GABPB1: variants seen among roughly 807,000 people sequenced by gnomAD.
GABPB1 encodes GA-binding protein subunit beta-1.
GABPB1 carries 15 observed loss-of-function variants against 45.9 expected under a neutral mutation model. The ratio of observed to expected loss-of-function variants is 0.33; its 90% CI spans 0.22 to 0.50. GABPB1 has a LOEUF of 0.50. Among genes scored for constraint, GABPB1 ranks in the 20% least tolerant of loss-of-function variants. GABPB1 has a pLI of 0.98. For missense variants in GABPB1, 252 were observed against 457.5 expected, an observed-to-expected ratio of 0.55 and a Z score of 4.10; for synonymous variants, 143 against 154.4, an observed-to-expected ratio of 0.93 and a Z score of 0.55.
At chr15:50,354,538 G>A (rs572259026) in intron 1 of GABPB1, 3 of 448,098 alleles carry the variant, frequency 6.7e-6, no homozygotes, top group Admixed American at 2.4e-5. Context: ...CGCGGCGCCA[G>A]AGGCCGAGGC....
intron 6 of GABPB1, among the ~76,000 whole-genome samples, chr15:50,300,553 C>T (rs2046703371): frequency 6.6e-6 from 1 of 150,528 alleles, no homozygotes; most frequent in Non-Finnish European, 1.5e-5. Context: ...AGCAATCCTC[C>T]TGCCTCAGCC....
intron 1 of GABPB1, among the ~76,000 whole-genome samples, chr15:50,331,018 G>C (rs1319856690): frequency 6.6e-6 from 1 of 152,166 alleles, no homozygotes; most frequent in Non-Finnish European, 1.5e-5. Context: ...CAACTGAGTA[G>C]AAACAGGAAT....
At chr15:50,321,789 C>T (rs575062919) in intron 1 of GABPB1, among the ~76,000 whole-genome samples, 1 of 151,642 alleles carries the variant, frequency 6.6e-6, no homozygotes, top group Non-Finnish European at 1.5e-5. Context: ...ATACTTGGAA[C>T]CAAAATCGTC....
chr15:50,296,990 A>C (rs1052691327), intron 6 of GABPB1, among the ~76,000 whole-genome samples: 1 of 147,670 alleles, frequency 6.8e-6, no homozygotes, highest in Non-Finnish European at 1.5e-5. Flanking sequence ...GGCTCACTGC[A>C]ACCTCCACCT....
intron 1 of GABPB1, among the ~76,000 whole-genome samples, chr15:50,344,363 C>T (rs964816605): frequency 1.1e-4 from 17 of 152,268 alleles, no homozygotes; most frequent in African/African-American, 4.1e-4. Context: ...CTTTGTTTGA[C>T]AGAATAGACA....
intron 2 of GABPB1, among the ~76,000 whole-genome samples, chr15:50,304,578 G>A (rs1239532989): frequency 6.6e-6 from 1 of 152,072 alleles, no homozygotes; most frequent in Non-Finnish European, 1.5e-5. Context: ...AGGCGTGGTG[G>A]CATGTGCCTG....
chr15:50,283,796 G>A (rs539897008), intron 8 of GABPB1, among the ~76,000 whole-genome samples: 2 of 152,312 alleles, frequency 1.3e-5, no homozygotes, highest in Admixed American at 1.3e-4. Context: ...ACAGGTGTAG[G>A]CCACCGCACC....
At chr15:50,347,403 T>A (rs528018941) in intron 1 of GABPB1, 1 of 152,114 alleles carries the variant, frequency 6.6e-6, no homozygotes, top group Admixed American at 6.5e-5. Context: ...TTTTTTTATT[T>A]TTTATTATTA....
chr15:50,316,616 A>G (rs2141074098), intron 1 of GABPB1, among the ~76,000 whole-genome samples: 1 of 41,468 alleles, frequency 2.4e-5, no homozygotes, highest in East Asian at 2.2e-4. Flanking sequence ...ACACACACCC[A>G]GTCTTTAAAA....
intron 1 of GABPB1, among the ~76,000 whole-genome samples, chr15:50,310,597 T>C (rs1315491229): frequency 6.6e-6 from 1 of 152,230 alleles, no homozygotes; most frequent in Non-Finnish European, 1.5e-5. Context: ...CTACATGCAA[T>C]GTATATTTAA....
chr15:50,293,196 CTATCAACTCACAG>C (rs1289069417), intron 6 of GABPB1, among the ~76,000 whole-genome samples: 1 of 152,162 alleles, frequency 6.6e-6, no homozygotes, highest in East Asian at 1.9e-4. Context: ...TGCTGAGTTT[CTATCAACTCACAG>C]TATGGCATCA....
At chr15:50,317,506 A>AT (rs1204025364) in intron 1 of GABPB1, among the ~76,000 whole-genome samples, 3 of 151,790 alleles carry the variant, frequency 2.0e-5, no homozygotes, top group Non-Finnish European at 4.4e-5. Context: ...CTAAGTTTTA[A>AT]TTTTTTTATA....
intron 2 of GABPB1, among the ~76,000 whole-genome samples, chr15:50,306,958 T>C (rs897351422): frequency 2.0e-5 from 3 of 152,088 alleles, no homozygotes; most frequent in African/African-American, 4.8e-5. Flanking sequence ...ATTTAACCAA[T>C]CTACTGATGA....
chr15:50,316,925 T>C (rs968850069), intron 1 of GABPB1, among the ~76,000 whole-genome samples: 1 of 152,110 alleles, frequency 6.6e-6, no homozygotes, highest in African/African-American at 2.4e-5. Flanking sequence ...ACCCATTGTT[T>C]TCAATCAAGT....
At chr15:50,328,970 A>G (rs2047864371) in intron 1 of GABPB1, among the ~76,000 whole-genome samples, 1 of 152,192 alleles carries the variant, frequency 6.6e-6, no homozygotes, top group Admixed American at 6.5e-5. Flanking sequence ...ATTTATTGTT[A>G]TATAATCATT....
chr15:50,292,688 T>C (rs1002032576), intron 6 of GABPB1, among the ~76,000 whole-genome samples: 4 of 152,176 alleles, frequency 2.6e-5, no homozygotes, highest in South Asian at 2.1e-4. Flanking sequence ...GTCAGATAAT[T>C]TTTTTTAATT....
intron 1 of GABPB1, among the ~76,000 whole-genome samples, chr15:50,340,617 CAT>C (rs968442170): frequency 4.7e-5 from 7 of 148,690 alleles, no homozygotes; most frequent in East Asian, 2.0e-4. Flanking sequence ...TTGCTTAACA[CAT>C]GAGATCTTTT....
At chr15:50,326,894 T>C (rs1232880303) in intron 1 of GABPB1, among the ~76,000 whole-genome samples, 1 of 151,914 alleles carries the variant, frequency 6.6e-6, no homozygotes, top group Non-Finnish European at 1.5e-5. Context: ...GTTATGGTGC[T>C]GAATACGCTT....
intron 1 of GABPB1, among the ~76,000 whole-genome samples, chr15:50,328,623 T>C (rs1410030804): frequency 1.3e-5 from 2 of 152,242 alleles, no homozygotes; most frequent in African/African-American, 4.8e-5. Context: ...AGGTTAGTGA[T>C]AGTCTAATCC....
Sources: allele counts gnomAD v4.1 joint callset (sites outside exome capture counted in the v4.1 genomes callset), GRCh38; gene constraint gnomAD v4.1.1; transcripts MANE v1.5; gene names NCBI Gene and HGNC (gene_info 2026-07-23, HGNC 2026-07-21).